Variants in ARHGAP10 observed in about 807,000 individuals in gnomAD.
ARHGAP10 encodes the protein Rho GTPase activating protein 10, also known as rho GTPase-activating protein 10.
A neutral mutation model predicts 108.6 loss-of-function variants in ARHGAP10; 87 were observed. That is an observed-to-expected ratio of 0.80 (90% CI 0.67 to 0.96). The LOEUF (loss-of-function observed/expected upper bound fraction) is 0.96. ARHGAP10 is among the 40% of genes least tolerant of loss of function. The pLI is 0.00. For synonymous variants in ARHGAP10, 347 were observed against 341.1 expected (o/e 1.02, Z -0.19); for missense variants, 939 against 954.5 (o/e 0.98, Z 0.21).
chr4:147,998,123 G>A (rs1425526913), intron 18 of ARHGAP10, among the ~76,000 whole-genome samples: 1 of 151,896 alleles, frequency 6.6e-6, no homozygotes, highest in Non-Finnish European at 1.5e-5. Flanking sequence ...ACATACAAAA[G>A]CAGAAATTAA....
intron 16 of ARHGAP10, among the ~76,000 whole-genome samples, chr4:147,959,765 G>T (rs1466354814): frequency 2.0e-5 from 3 of 152,102 alleles, no homozygotes; most frequent in Non-Finnish European, 4.4e-5. Flanking sequence ...TCCAGGTTTT[G>T]ACTCTATTTT....
At chr4:147,762,217 GGGCTTGTC>G (rs1729616688) in intron 1 of ARHGAP10, among the ~76,000 whole-genome samples, 1 of 151,984 alleles carries the variant, frequency 6.6e-6, no homozygotes, top group African/African-American at 2.4e-5. Flanking sequence ...CATGTTGGCT[GGGCTTGTC>G]TTGAACCCCT....
chr4:147,869,991 T>C (rs1734737129), intron 7 of ARHGAP10, among the ~76,000 whole-genome samples: 2 of 119,180 alleles, frequency 1.7e-5, no homozygotes, highest in African/African-American at 2.9e-5. Flanking sequence ...TTGAAAAAAG[T>C]CCCAGTTTGT....
chr4:147,979,156 G>A (rs1185074870), intron 18 of ARHGAP10, among the ~76,000 whole-genome samples: 1 of 152,102 alleles, frequency 6.6e-6, no homozygotes, highest in Non-Finnish European at 1.5e-5. Context: ...TATTTCCTAG[G>A]TTTTCTTCTA....
chr4:147,880,474 G>T (rs1182328765), intron 9 of ARHGAP10, among the ~76,000 whole-genome samples: 1 of 152,208 alleles, frequency 6.6e-6, no homozygotes, highest in Non-Finnish European at 1.5e-5. Context: ...GTCAGAGCCA[G>T]TTCAAGTCCT....
In ARHGAP10 at chr4:147,821,123, T is replaced by G. The variant is rs1282809933; in HGVS notation, c.155-1604T>G. On this transcript the variant is annotated intron_variant, in intron 1 of 22. Coordinates refer to ENST00000336498, the MANE Select transcript of ARHGAP10 (RefSeq NM_024605.4). ...TACGGGGCCACTGAGCCAGGAGTCA[T>G]TCATCAGTGAGCCGGCGAGCCTGGG... 2.6e-5 allele frequency among the ~76,000 whole-genome samples: 4 copies of G among 152,242 alleles called. No individual in the cohort carries two copies. The South Asian group carries it at 8.3e-4, about 32-fold the overall frequency.
At chr4:147,852,799 A>G (rs536758567) in intron 4 of ARHGAP10, among the ~76,000 whole-genome samples, 3 of 145,686 alleles carry the variant, frequency 2.1e-5, no homozygotes, top group South Asian at 2.2e-4. Context: ...GCTCACTACA[A>G]TCTCCGCCAC....
rs144593811 is a variant in ARHGAP10 at position 147,752,031 on chromosome 4, G to A, written c.154+19576G>A. 5.5e-3 allele frequency among the ~76,000 whole-genome samples: 833 copies of A among 151,884 alleles called. 10 individuals carry two copies. Among genetic ancestry groups the A allele is most frequent in the African/African-American group, 0.018 (736 of 41,426 alleles). On this transcript the variant is annotated intron_variant, in intron 1 of 22. Coordinates refer to ENST00000336498, the MANE Select transcript of ARHGAP10 (RefSeq NM_024605.4). Reference sequence around the variant, plus strand: ...CTCCTGAGTAGCTAGGACTATAGGCGTGCGCCACCACACCCAGCTAATTTT... The same window carrying A: ...CTCCTGAGTAGCTAGGACTATAGGCATGCGCCACCACACCCAGCTAATTTT...
chr4:147,993,311 A>G lies in ARHGAP10; in HGVS notation c.1716+26472A>G, dbSNP rs78896655. On this transcript the variant is annotated intron_variant, in intron 18 of 22. Transcript: ENST00000336498. The stretch of plus-strand genomic sequence containing the variant: ...ATTTTAAGGGTGGGAATATAGATGA[A>G]CTAAGATTGGTCATGAGTTAGTAAT... 1.3e-4 allele frequency among the ~76,000 whole-genome samples: 20 copies of G among 152,368 alleles called. 1 individual carries two copies. The East Asian group carries it at 3.7e-3, about 28-fold the overall frequency.
intron 1 of ARHGAP10, among the ~76,000 whole-genome samples, chr4:147,810,965 C>T (rs936148938): frequency 3.9e-5 from 6 of 152,182 alleles, no homozygotes; most frequent in African/African-American, 1.4e-4. Flanking sequence ...CAGAGTTTCC[C>T]TTCGGGGACA....
In ARHGAP10 at chr4:147,920,479, A is replaced by G. The variant is rs143182616; in HGVS notation, c.1228+7340A>G. ...AACAAATCATCAAAGTCCCAAAGAAAATAGCAGAACGTTCTTTTTGTTCCC... is the reference window on the plus strand; with the variant it reads ...AACAAATCATCAAAGTCCCAAAGAAGATAGCAGAACGTTCTTTTTGTTCCC... On this transcript the variant is annotated intron_variant, in intron 13 of 22. Coordinates refer to ENST00000336498, the MANE Select transcript of ARHGAP10 (RefSeq NM_024605.4). Among the ~76,000 whole-genome samples, 1,250 of 152,222 alleles carry G rather than the reference A, an allele frequency of 8.2e-3. 17 individuals are homozygous for G. Among genetic ancestry groups the G allele is most frequent in the African/African-American group, 0.029 (1,187 of 41,494 alleles).
At chr4:147,777,554 C>T (rs963966058) in intron 1 of ARHGAP10, among the ~76,000 whole-genome samples, 13 of 151,972 alleles carry the variant, frequency 8.6e-5, no homozygotes, top group African/African-American at 2.7e-4. Context: ...CACACCTGGC[C>T]GGGTAGGGTG....
chr4:148,038,543 C>T (rs1376530505), intron 19 of ARHGAP10, among the ~76,000 whole-genome samples: 3 of 152,214 alleles, frequency 2.0e-5, no homozygotes, highest in Admixed American at 2.0e-4. Flanking sequence ...CCTGAACCCT[C>T]GTCTTCCAAT....
rs1734997581 is a variant in ARHGAP10 at position 147,874,920 on chromosome 4, A to G, written c.703-101A>G. The G allele has an allele frequency of 5.7e-6, 7 of 1,233,520 alleles. No individual in the cohort carries two copies. The East Asian group carries it at 1.8e-4, about 32-fold the overall frequency. 76.4% of individuals were successfully genotyped at this position (1,233,520 alleles called of 1,614,324 possible). The stretch of plus-strand genomic sequence containing the variant: ...AGAAATTTATAAAAAAGTTATTTAG[A>G]GTTAAAAAATGTAATTACATTTATG... On this transcript the variant is annotated intron_variant, in intron 7 of 22. Transcript: ENST00000336498.
At chr4:147,963,975 C>G (rs536837592) in intron 16 of ARHGAP10, among the ~76,000 whole-genome samples, 2 of 152,354 alleles carry the variant, frequency 1.3e-5, no homozygotes, top group Non-Finnish European at 2.9e-5. Flanking sequence ...CTCATCTAAA[C>G]TGACATCTGC....
chr4:147,922,090 C>T (rs1306894751), intron 13 of ARHGAP10, among the ~76,000 whole-genome samples: 1 of 152,038 alleles, frequency 6.6e-6, no homozygotes, highest in African/African-American at 2.4e-5. Context: ...GAGGAATTGT[C>T]CAGGTTTGCA....
rs1728231973 is a variant in ARHGAP10 at position 147,732,090 on chromosome 4, G to A, written c.-212G>A. On this transcript the variant is annotated 5_prime_UTR_variant, in exon 1 of 23. Coordinates refer to ENST00000336498, the MANE Select transcript of ARHGAP10 (RefSeq NM_024605.4). Reference sequence around the variant, plus strand: ...GCTCGGCGGGGGCTGCCGGGATTGGGGCGCCGCAGCTAGCGCTGGTCTCGG... The same window carrying A: ...GCTCGGCGGGGGCTGCCGGGATTGGAGCGCCGCAGCTAGCGCTGGTCTCGG... 8.8e-6 allele frequency: 3 copies of A among 341,218 alleles called. No homozygotes were observed. In the South Asian group the frequency reaches 4.1e-4, roughly 46 times the overall value. 21.1% of individuals were successfully genotyped at this position (341,218 alleles called of 1,614,324 possible). A position where few individuals can be genotyped will look rare whatever the true frequency, so the allele number is the denominator to read the frequency against.
chr4:148,043,644 TA>T (rs1728737779), intron 19 of ARHGAP10, among the ~76,000 whole-genome samples: 1 of 116,068 alleles, frequency 8.6e-6, no homozygotes, highest in African/African-American at 3.1e-5. Flanking sequence ...TATATATATA[TA>T]TATATATTTT....
chr4:147,790,137 A>G (rs1331355451), intron 1 of ARHGAP10, among the ~76,000 whole-genome samples: 2 of 151,806 alleles, frequency 1.3e-5, no homozygotes, highest in African/African-American at 4.8e-5. Flanking sequence ...AGGTGCTGGT[A>G]TATTCGGTAT....
Sources: gnomAD v4.1 joint callset for allele counts (sites outside exome capture counted in the v4.1 genomes callset) on GRCh38, gnomAD v4.1.1 for gene constraint, MANE v1.5 for transcripts, NCBI Gene and HGNC (gene_info 2026-07-23, HGNC 2026-07-21) for gene names.